Variants in CSNK2A1 observed in about 807,000 individuals in gnomAD.
The protein encoded by CSNK2A1 is casein kinase II subunit alpha.
CSNK2A1 carries 10 observed loss-of-function variants against 62.9 expected under a neutral mutation model. The observed-to-expected ratio is 0.16, with a 90% confidence interval of 0.10 to 0.27. The LOEUF (loss-of-function observed/expected upper bound fraction) is 0.27. CSNK2A1 is among the 10% of genes least tolerant of loss of function. The pLI, the probability that CSNK2A1 is intolerant of heterozygous loss-of-function variation, is 1.00. For missense variants in CSNK2A1, 160 were observed against 492.0 expected (o/e 0.33, Z 6.38); for synonymous variants, 124 against 167.8 (o/e 0.74, Z 2.02).
chr20:522,706 T>G (rs2018976846), intron 2 of CSNK2A1, among the ~76,000 whole-genome samples: 1 of 152,152 alleles, frequency 6.6e-6, no homozygotes, highest in Non-Finnish European at 1.5e-5. Flanking sequence ...ATTTATTTAT[T>G]TATTTTTAGA....
In CSNK2A1 at chr20:505,224, T is replaced by G; in HGVS notation, c.107A>C (p.Gln36Pro). 1.9e-6 allele frequency: 3 copies of G among 1,613,034 alleles called. No homozygotes were observed. Among genetic ancestry groups the G allele is most frequent in the Non-Finnish European group, 2.5e-6 (3 of 1,179,368 alleles). The change falls in exon 4 of 14, where the codon CAA becomes CCA. Residue 36 changes from glutamine (Q) to proline (P), a missense_variant. Around this residue, in one of 3 missense-constraint regions of CSNK2A1, gnomAD observed 94 missense variants for 357.6 expected, o/e 0.26. Coordinates refer to ENST00000217244, the MANE Select transcript of CSNK2A1 (RefSeq NM_177559.3). ...YESHVVEWGN[Q>P]DDYQLVRKLG... The stretch of plus-strand genomic sequence containing the variant: ...TTTTCGAACCAGCTGGTAGTCATCT[T>G]GATTTCTGTGGACACAAACAAAATG...
chr20:487,839 AC>A (rs2122507160), intron 11 of CSNK2A1: 1 of 491,350 alleles, frequency 2.0e-6, no homozygotes, highest in Non-Finnish European at 3.7e-6. Flanking sequence ...ACAGGACGTG[AC>A]CGCTTCTGTG....
At position 475,102 on chromosome 20, in the gene CSNK2A1, GT is replaced by G. The variant is rs1034693958; in HGVS notation, c.*8858del. ...CACCCTGTGTATAGTGGAATGTTGT[GT>G]TGTTTCTGGCCATGGAGTCTCAAAG... On this transcript the variant is annotated 3_prime_UTR_variant, in exon 14 of 14. Transcript: ENST00000217244. The G allele has an allele frequency of 2.0e-5, 3 of 152,184 alleles. No homozygotes were observed. The highest frequency in any genetic ancestry group is 4.4e-5 in the Non-Finnish European group (3 of 68,054). The allele number at this position is 152,184 out of a possible 1,614,324, so 9.4% of individuals were successfully genotyped here. A position where few individuals can be genotyped will look rare whatever the true frequency, so the allele number is the denominator to read the frequency against.
At chr20:524,587 G>A (rs1237673722) in intron 2 of CSNK2A1, among the ~76,000 whole-genome samples, 2 of 149,730 alleles carry the variant, frequency 1.3e-5, no homozygotes, top group Non-Finnish European at 3.0e-5. Context: ...AAAATTAGCT[G>A]GGTGTGGTGG....
intron 2 of CSNK2A1, among the ~76,000 whole-genome samples, chr20:517,590 G>A (rs1420537639): frequency 2.0e-5 from 3 of 151,788 alleles, no homozygotes; most frequent in Admixed American, 6.6e-5. Context: ...CCTAAAATGG[G>A]GAAAAACTGT....
chr20:509,719 GCACGCAC>G (rs1404358447), intron 2 of CSNK2A1, among the ~76,000 whole-genome samples: 6 of 152,032 alleles, frequency 3.9e-5, no homozygotes, highest in Non-Finnish European at 7.4e-5. Context: ...GAGACTACAG[GCACGCAC>G]CACCACCCTC....
rs2018128707 is a variant in CSNK2A1, at chr20:487,670, A to G, written c.825-95T>C. On this transcript the variant is annotated intron_variant, in intron 11 of 13. Coordinates refer to ENST00000217244, the MANE Select transcript of CSNK2A1 (RefSeq NM_177559.3). ...TTTTTCTTAGTGGCTAACAGCCCAG[A>G]CAAAAGCAAAGAGGGATCCAAACTC... 3.8e-6 allele frequency: 6 copies of G among 1,559,366 alleles called. No homozygotes were observed. The South Asian group carries it at 6.9e-5, about 18-fold the overall frequency.
At chr20:496,390 C>T (rs1419471612) in intron 7 of CSNK2A1, 1 of 152,652 alleles carries the variant, frequency 6.6e-6, no homozygotes, top group Non-Finnish European at 1.5e-5. Context: ...CTATTTGGCC[C>T]TTTAAAGAAG....
chr20:475,460 C>CAAA lies in CSNK2A1; in HGVS notation c.*8498_*8500dup, dbSNP rs397865226. ...GGGTGACAGAGTTAAGACTCTGACT[C>CAAA]AAAAAAAAAAAAAAAAAGTTGGTGT... On this transcript the variant is annotated 3_prime_UTR_variant, in exon 14 of 14. Coordinates refer to ENST00000217244, the MANE Select transcript of CSNK2A1 (RefSeq NM_177559.3). 3 of 117,672 alleles carry CAAA rather than the reference C, an allele frequency of 2.5e-5. No homozygotes were observed. Among genetic ancestry groups the CAAA allele is most frequent in the Admixed American group, 8.9e-5 (1 of 11,268 alleles). 7.3% of individuals were successfully genotyped at this position (117,672 alleles called of 1,614,324 possible).
At chr20:493,712 T>C (rs1368987907) in intron 8 of CSNK2A1, among the ~76,000 whole-genome samples, 1 of 152,250 alleles carries the variant, frequency 6.6e-6, no homozygotes, top group African/African-American at 2.4e-5. Context: ...CATATGTAAG[T>C]TGATATAATC....
chr20:540,491 T>A (rs1449611990), intron 1 of CSNK2A1, among the ~76,000 whole-genome samples: 2 of 152,162 alleles, frequency 1.3e-5, no homozygotes, highest in Non-Finnish European at 2.9e-5. Context: ...GTCTGGGCCC[T>A]CACTAGCAGA....
chr20:484,107 G>C (rs1377610617), intron 13 of CSNK2A1, 31 bp from the exon 14 acceptor site: 2 of 1,506,104 alleles, frequency 1.3e-6, no homozygotes, highest in East Asian at 5.1e-5. Flanking sequence ...GTGAGCCAAA[G>C]ACACCAACCA....
At chr20:509,169 G>T (rs1321098223) in intron 2 of CSNK2A1, among the ~76,000 whole-genome samples, 1 of 152,180 alleles carries the variant, frequency 6.6e-6, no homozygotes, top group Non-Finnish European at 1.5e-5. Flanking sequence ...AAAGCTCCAT[G>T]TCATCTTATA....
chr20:505,310 T>TG, intron 3 of CSNK2A1, 81 bp from the exon 4 acceptor site: 1 of 955,076 alleles, frequency 1.0e-6, no homozygotes, highest in Non-Finnish European at 1.6e-6. Context: ...TACCAGCAGC[T>TG]GTAATAGAAA....
intron 2 of CSNK2A1, 103 bp from the exon 3 acceptor site, chr20:508,763 C>T (rs1380463671): frequency 2.0e-6 from 1 of 493,828 alleles, no homozygotes; most frequent in Non-Finnish European, 3.6e-6. Context: ...ACCTCTGGCT[C>T]TCCTACCTAC....
chr20:521,581 G>C (rs572993012), intron 2 of CSNK2A1, among the ~76,000 whole-genome samples: 1 of 149,402 alleles, frequency 6.7e-6, no homozygotes, highest in Non-Finnish European at 1.5e-5. Context: ...ACGGAAACCC[G>C]TATCTACACA....
At position 513,585 on chromosome 20, in the gene CSNK2A1, C is replaced by T. The variant is rs551243484; in HGVS notation, c.-109-4925G>A. ...TACATGACATTACAAAATGAGTCCT[C>T]ATTTCTCCCTGGAAACCATCTGACA... On this transcript the variant is annotated intron_variant, in intron 2 of 13. Coordinates refer to ENST00000217244, the MANE Select transcript of CSNK2A1 (RefSeq NM_177559.3). 3.9e-5 allele frequency among the ~76,000 whole-genome samples: 6 copies of T among 152,328 alleles called. No individual in the cohort carries two copies. In the East Asian group the frequency reaches 1.2e-3, roughly 29 times the overall value.
At chr20:525,061 A>G (rs1352409777) in intron 2 of CSNK2A1, among the ~76,000 whole-genome samples, 2 of 152,168 alleles carry the variant, frequency 1.3e-5, no homozygotes, top group Admixed American at 1.3e-4. Flanking sequence ...GTGAGCTATG[A>G]TCACAGTGTT....
At chr20:494,579 ATTT>A (rs975144526) in intron 8 of CSNK2A1, 11 of 152,216 alleles carry the variant, frequency 7.2e-5, no homozygotes, top group African/African-American at 2.7e-4. Flanking sequence ...TACCATCACT[ATTT>A]TTTATTTTAG....
Sources: allele counts gnomAD v4.1 joint callset (sites outside exome capture counted in the v4.1 genomes callset), GRCh38; gene constraint gnomAD v4.1.1; regional missense constraint gnomAD v4.1.1; transcripts MANE v1.5; gene names NCBI Gene and HGNC (gene_info 2026-07-23, HGNC 2026-07-21).